The following SESN1 variants were observed in gnomAD, a reference collection of about 807,000 sequenced individuals.
The protein encoded by SESN1 is sestrin 1, also known as sestrin-1.
SESN1 carries 30 observed loss-of-function variants against 59.3 expected under a neutral mutation model. That is an observed-to-expected ratio of 0.51 (90% CI 0.38 to 0.69). SESN1 has a LOEUF of 0.69. Among genes scored for constraint, SESN1 ranks in the 30% least tolerant of loss-of-function variants. The pLI is 0.00. For missense variants in SESN1, 566 were observed against 673.0 expected (o/e 0.84, Z 1.76); for synonymous variants, 197 against 219.9 (o/e 0.90, Z 0.92).
intron 1 of SESN1, among the ~76,000 whole-genome samples, chr6:109,055,470 G>T (rs776939211): frequency 1.3e-5 from 2 of 151,732 alleles, no homozygotes. Context: ...AGATCAGCCC[G>T]GCCAAGATGG....
At chr6:109,035,580 T>C (rs772043019) in intron 1 of SESN1, among the ~76,000 whole-genome samples, 2 of 151,768 alleles carry the variant, frequency 1.3e-5, no homozygotes, top group South Asian at 4.2e-4. Flanking sequence ...AAGAACACAG[T>C]CACTGACTCT....
chr6:109,046,779 C>A (rs9717577), intron 1 of SESN1, among the ~76,000 whole-genome samples: 24 of 135,036 alleles, frequency 1.8e-4, no homozygotes, highest in Middle Eastern at 4.3e-3. Context: ...GCCGAGACCC[C>A]GTCTGGGAGG....
At chr6:109,059,096 T>TACACACACACACACACACACAC (rs373238799) in intron 1 of SESN1, among the ~76,000 whole-genome samples, 41 of 149,816 alleles carry the variant, frequency 2.7e-4, no homozygotes, top group African/African-American at 9.5e-4. Flanking sequence ...TATCACTTCA[T>TACACACACACACACACACACAC]ACACACACAC....
At chr6:109,081,727 G>A (rs992716404) in intron 1 of SESN1, among the ~76,000 whole-genome samples, 2 of 152,128 alleles carry the variant, frequency 1.3e-5, no homozygotes, top group African/African-American at 2.4e-5. Flanking sequence ...GGCAGGCATT[G>A]GGAGCTCAGC....
chr6:109,071,496 G>A (rs142713757), intron 1 of SESN1, among the ~76,000 whole-genome samples: 209 of 152,120 alleles, frequency 1.4e-3, no homozygotes, highest in African/African-American at 4.8e-3. Flanking sequence ...GGTTAGACAG[G>A]CAGAATCGGG....
At chr6:109,060,354 T>C (rs1481444208) in intron 1 of SESN1, among the ~76,000 whole-genome samples, 1 of 152,220 alleles carries the variant, frequency 6.6e-6, no homozygotes, top group African/African-American at 2.4e-5. Flanking sequence ...ATCTTTTGCT[T>C]AAAGCACCTG....
chr6:109,072,065 C>T (rs935557928), intron 1 of SESN1, among the ~76,000 whole-genome samples: 1 of 152,122 alleles, frequency 6.6e-6, no homozygotes, highest in Non-Finnish European at 1.5e-5. Flanking sequence ...ATTGTAGCAT[C>T]TTCCAAAATA....
intron 1 of SESN1, among the ~76,000 whole-genome samples, chr6:109,024,945 AG>A (rs1435739902): frequency 5.9e-5 from 9 of 152,350 alleles, no homozygotes; most frequent in African/African-American, 2.2e-4. Context: ...GAACTGGCAA[AG>A]TAACAGAAAT....
chr6:109,069,494 A>T (rs537077685), intron 1 of SESN1, among the ~76,000 whole-genome samples: 2 of 152,316 alleles, frequency 1.3e-5, no homozygotes, highest in South Asian at 4.1e-4. Flanking sequence ...AGGTAAAAGT[A>T]AAAACATCTT....
chr6:109,011,817 T>C (rs1779863941), intron 1 of SESN1, among the ~76,000 whole-genome samples: 2 of 151,738 alleles, frequency 1.3e-5, no homozygotes, highest in South Asian at 4.2e-4. Flanking sequence ...TTTGTAGAGA[T>C]AGGGTCTCAT....
At chr6:108,993,860 A>G (rs765072936) in intron 6 of SESN1, among the ~76,000 whole-genome samples, 3 of 152,090 alleles carry the variant, frequency 2.0e-5, no homozygotes, top group Non-Finnish European at 4.4e-5. Context: ...TACTACAGGT[A>G]CAAACTGCCG....
In SESN1 at chr6:109,093,945, T is replaced by C. The variant is rs778378784; in HGVS notation, c.129A>G (p.Lys43=). The change falls in exon 1 of 10, where the codon AAA becomes AAG. Residue 43 remains lysine (K), a synonymous_variant. Coordinates refer to ENST00000436639, the MANE Select transcript of SESN1 (RefSeq NM_014454.3). The part of the protein sequence containing the change: ...LRKTEYLRSV[K]ETPHRPSDGL... ...CGTCTGATGGACGATGAGGTGTTTC[T>C]TTCACCGAACGAAGATACTCGGTTT... The C allele has an allele frequency of 2.5e-6, 4 of 1,614,082 alleles. No individual in the cohort carries two copies. In the African/African-American group the frequency reaches 5.3e-5, roughly 22 times the overall value.
chr6:109,039,384 T>C (rs1295531093), intron 1 of SESN1, among the ~76,000 whole-genome samples: 3 of 152,234 alleles, frequency 2.0e-5, no homozygotes, highest in Non-Finnish European at 4.4e-5. Context: ...TTTTCTGTAA[T>C]TTCCCTTCAC....
chr6:109,061,094 ATAT>A lies in SESN1; in HGVS notation c.279+32698_279+32700del, dbSNP rs1304460624. Among the ~76,000 whole-genome samples, 29 of 151,048 alleles carry A rather than the reference ATAT, an allele frequency of 1.9e-4. No homozygotes were observed. In the East Asian group the frequency reaches 5.4e-3, roughly 28 times the overall value. On this transcript the variant is annotated intron_variant, in intron 1 of 9. Transcript: ENST00000436639. ...TTTTACTTTTTGAAATATCTCACAC[ATAT>A]TATTCATAACTCAGTTGTATATCTG...
At chr6:109,053,860 A>C (rs1780584962) in intron 1 of SESN1, among the ~76,000 whole-genome samples, 1 of 152,218 alleles carries the variant, frequency 6.6e-6, no homozygotes, top group African/African-American at 2.4e-5. Context: ...GAATTTTAAA[A>C]GTGGTAGCTT....
At chr6:109,043,411 C>T (rs749504889) in intron 1 of SESN1, among the ~76,000 whole-genome samples, 14 of 151,898 alleles carry the variant, frequency 9.2e-5, no homozygotes, top group Non-Finnish European at 1.5e-4. Flanking sequence ...AAACAACAAA[C>T]GGAATAAATA....
At chr6:109,075,705 G>C (rs1028971474) in intron 1 of SESN1, among the ~76,000 whole-genome samples, 1 of 152,178 alleles carries the variant, frequency 6.6e-6, no homozygotes, top group African/African-American at 2.4e-5. Context: ...CTTTATAGGA[G>C]ACCCTGAAAC....
In SESN1 at chr6:109,076,889, GTGT is replaced by G. The variant is rs1266338363; in HGVS notation, c.279+16903_279+16905del. On this transcript the variant is annotated intron_variant, in intron 1 of 9. Coordinates refer to ENST00000436639, the MANE Select transcript of SESN1 (RefSeq NM_014454.3). ...ATGACACAAATATATTCTGAGAAATGTGTTGTTATGTGATCTAATCTTTGTGCA... is the reference window on the plus strand; with the variant it reads ...ATGACACAAATATATTCTGAGAAATGTGTTATGTGATCTAATCTTTGTGCA... Among the ~76,000 whole-genome samples, 10 of 152,170 alleles carry G rather than the reference GTGT, an allele frequency of 6.6e-5. No homozygotes were observed. The East Asian group carries it at 1.7e-3, about 26-fold the overall frequency.
At chr6:108,991,924 C>T (rs977208773) in intron 7 of SESN1, among the ~76,000 whole-genome samples, 5 of 152,294 alleles carry the variant, frequency 3.3e-5, no homozygotes, top group East Asian at 1.9e-4. Flanking sequence ...TATCCCTCAA[C>T]CTAAGCTTAA....
Sources: gnomAD v4.1 joint callset for allele counts (sites outside exome capture counted in the v4.1 genomes callset) on GRCh38, gnomAD v4.1.1 for gene constraint, MANE v1.5 for transcripts, NCBI Gene and HGNC (gene_info 2026-07-23, HGNC 2026-07-21) for gene names.